Variants in FUCA1 observed in about 807,000 individuals in gnomAD.
FUCA1 encodes the protein tissue alpha-L-fucosidase.
FUCA1 carries 52 observed loss-of-function variants against 56.8 expected under a neutral mutation model. The observed-to-expected ratio is 0.92, with a 90% CI of 0.73 to 1.15. FUCA1 has a LOEUF of 1.15. Among genes scored for constraint, FUCA1 ranks in the 50% most tolerant of loss-of-function variants. The probability of loss-of-function intolerance (pLI) is 0.00; values close to 1 mark genes in which losing one functional copy is unlikely to be tolerated. For synonymous variants in FUCA1, 230 were observed against 226.6 expected (o/e 1.02, Z -0.14); for missense variants, 568 against 592.6 (o/e 0.96, Z 0.43).
At chr1:23,860,256 T>A (rs1167083302) in intron 3 of FUCA1, among the ~76,000 whole-genome samples, 5 of 152,120 alleles carry the variant, frequency 3.3e-5, no homozygotes, top group Non-Finnish European at 1.5e-5. Flanking sequence ...CATTTGCTAA[T>A]AAAACCAGTT....
intron 4 of FUCA1, among the ~76,000 whole-genome samples, chr1:23,859,458 C>T (rs990195405): frequency 1.3e-4 from 20 of 151,624 alleles, no homozygotes; most frequent in Admixed American, 5.9e-4. Flanking sequence ...CTCAGCTACT[C>T]GGAAGGCTGA....
At chr1:23,849,276 G>A (rs545615972) in intron 5 of FUCA1, among the ~76,000 whole-genome samples, 15 of 152,208 alleles carry the variant, frequency 9.9e-5, no homozygotes, top group East Asian at 5.8e-4. Flanking sequence ...ATGAGTCACC[G>A]CACCTGAGCT....
At chr1:23,866,455 C>T (rs1639625606) in intron 1 of FUCA1, among the ~76,000 whole-genome samples, 1 of 152,132 alleles carries the variant, frequency 6.6e-6, no homozygotes, top group South Asian at 2.1e-4. Context: ...AAATAACAAC[C>T]AAATCACTCA....
At chr1:23,848,965 A>ATTT in intron 5 of FUCA1, 126 bp from the exon 6 acceptor site, 10 of 659,672 alleles carry the variant, frequency 1.5e-5, no homozygotes, top group Non-Finnish European at 2.2e-5. Flanking sequence ...TGCTGTTTTA[A>ATTT]TTTTTTTTTT....
Position 23,868,050 on chromosome 1 carries a change from C to T in FUCA1, c.237G>A (p.Trp79Ter). The part of the protein sequence containing the change: ...VPAWGSEWFW[W>*]HWQGEGRPQY... ...GCGGCCGCCCCTCGCCCTGCCAGTG[C>T]CACCAGAACCACTCGCTGCCCCAGG... The change falls in exon 1 of 8, where the codon TGG becomes TGA. Residue 79 changes from tryptophan (W) to a stop codon, truncating the protein, a stop_gained. Coordinates refer to ENST00000374479, the MANE Select transcript of FUCA1 (RefSeq NM_000147.5). LOFTEE classifies it high-confidence loss of function. 6.2e-7 allele frequency: 1 copy of T among 1,611,374 alleles called. No homozygotes were observed. The highest frequency in any genetic ancestry group is 1.1e-5 in the South Asian group (1 of 90,848).
At chr1:23,849,784 T>G (rs1639220230) in intron 5 of FUCA1, among the ~76,000 whole-genome samples, 3 of 151,538 alleles carry the variant, frequency 2.0e-5, no homozygotes, top group Non-Finnish European at 4.4e-5. Flanking sequence ...GGTTTCACTA[T>G]GTTGGCCAGG....
chr1:23,854,861 G>A lies in FUCA1; in HGVS notation c.769-301C>T, dbSNP rs563332097. On this transcript the variant is annotated intron_variant, in intron 4 of 7. Coordinates refer to ENST00000374479, the MANE Select transcript of FUCA1 (RefSeq NM_000147.5). Reference sequence around the variant, plus strand: ...CAGCCCTAAATGTCAACAGTACTGAGGTAGAGAAACCCTGCTGCAGAGATA... The same window carrying A: ...CAGCCCTAAATGTCAACAGTACTGAAGTAGAGAAACCCTGCTGCAGAGATA... Among the ~76,000 whole-genome samples the A allele has an allele frequency of 2.6e-5, 4 of 152,310 alleles. No individual in the cohort carries two copies. The South Asian group carries it at 8.3e-4, about 32-fold the overall frequency.
rs144919088 is a variant in FUCA1, at chr1:23,854,470, T to C, written c.859A>G (p.Ser287Gly). 8.1e-6 allele frequency: 13 copies of C among 1,613,964 alleles called. No individual in the cohort carries two copies. In the African/African-American group the frequency reaches 1.5e-4, roughly 18 times the overall value. ...ATCTCCCACTTGTGATCTGGCAAGC[T>C]CTGTGGCTTGAATTTATCTTCACAG... ...YNCEDKFKPQ[S>G]LPDHKWEMCT... The change falls in exon 5 of 8, where the codon AGC becomes GGC. Residue 287 changes from serine (S) to glycine (G), a missense_variant. Coordinates refer to ENST00000374479, the MANE Select transcript of FUCA1 (RefSeq NM_000147.5).
intron 6 of FUCA1, 47 bp downstream of exon 6, chr1:23,848,602 G>C (rs1340667429): frequency 1.3e-6 from 2 of 1,577,524 alleles, no homozygotes; most frequent in Non-Finnish European, 1.7e-6. Flanking sequence ...ACCAGTTCCG[G>C]ATGGGGCACT....
At chr1:23,864,477 G>A (rs1046603901) in intron 2 of FUCA1, among the ~76,000 whole-genome samples, 8 of 152,134 alleles carry the variant, frequency 5.3e-5, no homozygotes, top group African/African-American at 1.7e-4. Flanking sequence ...TAAGAATGGT[G>A]AGTGTTACAA....
chr1:23,853,587 G>C (rs1309635296), intron 5 of FUCA1, among the ~76,000 whole-genome samples: 1 of 151,962 alleles, frequency 6.6e-6, no homozygotes, highest in Non-Finnish European at 1.5e-5. Flanking sequence ...TTGAGAACGG[G>C]CCATGATGAC....
At chr1:23,862,487 C>T (rs1437219958) in intron 3 of FUCA1, among the ~76,000 whole-genome samples, 1 of 152,088 alleles carries the variant, frequency 6.6e-6, no homozygotes, top group Non-Finnish European at 1.5e-5. Context: ...TTCCTTTGCT[C>T]TAAAGTGAGG....
At chr1:23,855,280 G>A (rs1030364500) in intron 4 of FUCA1, among the ~76,000 whole-genome samples, 1 of 152,208 alleles carries the variant, frequency 6.6e-6, no homozygotes, top group African/African-American at 2.4e-5. Context: ...GGCAGATCAT[G>A]AGGTCAGGAG....
At chr1:23,852,171 T>G (rs1639275904) in intron 5 of FUCA1, among the ~76,000 whole-genome samples, 2 of 151,806 alleles carry the variant, frequency 1.3e-5, no homozygotes, top group Non-Finnish European at 2.9e-5. Context: ...ATGCCTGTAA[T>G]CCAGTGCTTT....
At position 23,845,788 on chromosome 1, in the gene FUCA1, GAGATGA is replaced by G. The variant is rs1298829447; in HGVS notation, c.1322_1327del (p.Phe441_Ile442del). 6.2e-7 allele frequency: 1 copy of G among 1,614,070 alleles called. No individual in the cohort carries two copies. Among genetic ancestry groups the G allele is most frequent in the Non-Finnish European group, 8.5e-7 (1 of 1,179,894 alleles). On this transcript the variant is annotated inframe_deletion, in exon 8 of 8. Coordinates refer to ENST00000374479, the MANE Select transcript of FUCA1 (RefSeq NM_000147.5). ...AGCAGAGGGTGGCAACTGGGGTAGAGAGATGAAGAGACCTTTATCTGGATCTGTGGA... is the reference window on the plus strand; with the variant it reads ...AGCAGAGGGTGGCAACTGGGGTAGAGAGAGACCTTTATCTGGATCTGTGGA...
intron 5 of FUCA1, among the ~76,000 whole-genome samples, chr1:23,852,466 CT>C (rs965117595): frequency 1.2e-4 from 18 of 150,728 alleles, no homozygotes; most frequent in South Asian, 2.1e-4. Flanking sequence ...CCTCTCCCCC[CT>C]CTCCCTCTCC....
intron 2 of FUCA1, 115 bp downstream of exon 2, chr1:23,865,376 C>T: frequency 1.5e-6 from 2 of 1,370,946 alleles, no homozygotes; most frequent in Admixed American, 3.5e-5. Flanking sequence ...GGCCAAAAGC[C>T]CTTCAGGCTA....
chr1:23,850,316 C>A (rs867019025), intron 5 of FUCA1, among the ~76,000 whole-genome samples: 248 of 129,418 alleles, frequency 1.9e-3, no homozygotes, highest in Middle Eastern at 8.1e-3. Flanking sequence ...AATTCCATCT[C>A]AAAAAAAAAA....
chr1:23,860,018 C>G (rs1188989439), intron 3 of FUCA1, 115 bp from the exon 4 acceptor site: 4 of 706,252 alleles, frequency 5.7e-6, no homozygotes, highest in Non-Finnish European at 1.0e-5. Context: ...AAGCTTGAGT[C>G]CAGCAGCTAT....
Sources: gnomAD v4.1 joint callset for allele counts (sites outside exome capture counted in the v4.1 genomes callset) on GRCh38, gnomAD v4.1.1 for gene constraint, MANE v1.5 for transcripts, NCBI Gene and HGNC (gene_info 2026-07-23, HGNC 2026-07-21) for gene names.